Variants in EXT1 observed in about 807,000 individuals in gnomAD.
EXT1 encodes the protein exostosin glycosyltransferase 1.
A neutral mutation model predicts 82.5 loss-of-function variants in EXT1; 20 were observed. The observed-to-expected ratio is 0.24, with a 90% CI of 0.17 to 0.35. The LOEUF (loss-of-function observed/expected upper bound fraction) is 0.35. EXT1 is among the 10% of genes least tolerant of loss of function. The pLI is 1.00. For missense variants in EXT1, 757 were observed against 936.5 expected, an observed-to-expected ratio of 0.81 and a Z score of 2.50; for synonymous variants, 348 against 350.8, an observed-to-expected ratio of 0.99 and a Z score of 0.09.
At chr8:117,867,923 G>A (rs910845584) in intron 1 of EXT1, among the ~76,000 whole-genome samples, 2 of 152,166 alleles carry the variant, frequency 1.3e-5, no homozygotes, top group African/African-American at 2.4e-5. Flanking sequence ...TAATAGAGAA[G>A]CCCTGAGAAA....
intron 3 of EXT1, among the ~76,000 whole-genome samples, chr8:117,835,137 C>G (rs1198959408): frequency 6.6e-6 from 1 of 152,178 alleles, no homozygotes; most frequent in Non-Finnish European, 1.5e-5. Context: ...AGAATAAAAA[C>G]TCTCTGGTAA....
chr8:118,000,113 C>T (rs1815630829), intron 1 of EXT1, among the ~76,000 whole-genome samples: 1 of 152,060 alleles, frequency 6.6e-6, no homozygotes, highest in African/African-American at 2.4e-5. Context: ...CTGTTGCTTG[C>T]GTTTAATCAA....
At chr8:117,866,182 G>A (rs1001729205) in intron 1 of EXT1, among the ~76,000 whole-genome samples, 3 of 152,112 alleles carry the variant, frequency 2.0e-5, no homozygotes, top group Admixed American at 6.6e-5. Context: ...CTGAGATTGC[G>A]GCACTGCACT....
chr8:118,019,535 C>T (rs1215798351), intron 1 of EXT1, among the ~76,000 whole-genome samples: 3 of 152,164 alleles, frequency 2.0e-5, no homozygotes, highest in Non-Finnish European at 4.4e-5. Context: ...CAGATTCTAT[C>T]GCAGAAAAGA....
chr8:118,067,221 T>A (rs1817004577), intron 1 of EXT1, among the ~76,000 whole-genome samples: 1 of 152,258 alleles, frequency 6.6e-6, no homozygotes, highest in African/African-American at 2.4e-5. Context: ...GGGGCACTGG[T>A]GCCATACAAA....
At chr8:117,905,458 G>T (rs2129976675) in intron 1 of EXT1, among the ~76,000 whole-genome samples, 1 of 152,284 alleles carries the variant, frequency 6.6e-6, no homozygotes, top group East Asian at 1.9e-4. Flanking sequence ...GGCGGAGGTT[G>T]CAGTGACCTG....
rs113262622 is a variant in EXT1 at position 117,954,170 on chromosome 8, C to A, written c.963-116969G>T. Among the ~76,000 whole-genome samples, 669 of 152,282 alleles carry A rather than the reference C, an allele frequency of 4.4e-3. 3 individuals carry two copies. The highest frequency in any genetic ancestry group is 0.015 in the African/African-American group (630 of 41,568). Reference sequence around the variant, plus strand: ...TCCCAGGGGCTGTTTGCTTGACCCGCGACTAATGGAAGCCCAGCTCTGACT... The same window carrying A: ...TCCCAGGGGCTGTTTGCTTGACCCGAGACTAATGGAAGCCCAGCTCTGACT... On this transcript the variant is annotated intron_variant, in intron 1 of 10. Coordinates refer to ENST00000378204, the MANE Select transcript of EXT1 (RefSeq NM_000127.3).
intron 1 of EXT1, among the ~76,000 whole-genome samples, chr8:118,010,495 G>A (rs887421228): frequency 1.1e-4 from 16 of 151,852 alleles, no homozygotes; most frequent in African/African-American, 3.9e-4. Flanking sequence ...ACCACTCACT[G>A]GGAAGAATTC....
At chr8:117,858,836 G>GGAAGGAAGGAAGGAAT (rs1812626191) in intron 1 of EXT1, among the ~76,000 whole-genome samples, 1 of 52,846 alleles carries the variant, frequency 1.9e-5, no homozygotes, top group Non-Finnish European at 4.3e-5. Context: ...AAGGAAGGAA[G>GGAAGGAAGGAAGGAAT]GAAGGAAGGA....
At chr8:117,963,333 TCTC>T (rs1030764792) in intron 1 of EXT1, among the ~76,000 whole-genome samples, 16 of 152,220 alleles carry the variant, frequency 1.1e-4, no homozygotes, top group African/African-American at 3.9e-4. Context: ...ATAAGGTGGT[TCTC>T]CTGTCCAGCC....
chr8:118,030,552 G>A (rs1816292388), intron 1 of EXT1, among the ~76,000 whole-genome samples: 1 of 152,146 alleles, frequency 6.6e-6, no homozygotes, highest in African/African-American at 2.4e-5. Context: ...CACAATCTCA[G>A]CTCACTGCAA....
chr8:118,060,907 T>C (rs1816871332), intron 1 of EXT1, among the ~76,000 whole-genome samples: 1 of 152,214 alleles, frequency 6.6e-6, no homozygotes, highest in African/African-American at 2.4e-5. Context: ...AGACACTGCC[T>C]GGTATCACTT....
At chr8:118,005,953 G>A (rs1252775082) in intron 1 of EXT1, among the ~76,000 whole-genome samples, 1 of 152,140 alleles carries the variant, frequency 6.6e-6, no homozygotes, top group Non-Finnish European at 1.5e-5. Context: ...TTATACAATA[G>A]GACAGCTCTA....
intron 1 of EXT1, among the ~76,000 whole-genome samples, chr8:118,058,876 A>G (rs1184388386): frequency 6.6e-6 from 1 of 152,234 alleles, no homozygotes; most frequent in African/African-American, 2.4e-5. Flanking sequence ...TAGAGGATTT[A>G]CATGGACTGG....
chr8:118,026,999 T>G (rs1413041703), intron 1 of EXT1, among the ~76,000 whole-genome samples: 2 of 152,264 alleles, frequency 1.3e-5, no homozygotes, highest in East Asian at 3.9e-4. Context: ...TCAGTTACTT[T>G]GGAGCCTGAG....
chr8:117,825,348 A>G (rs2129757239), intron 4 of EXT1, among the ~76,000 whole-genome samples: 1 of 152,300 alleles, frequency 6.6e-6, no homozygotes. Context: ...AATTCTTCCT[A>G]TCACTACCCT....
chr8:117,890,931 T>C (rs1302682050), intron 1 of EXT1, among the ~76,000 whole-genome samples: 1 of 152,234 alleles, frequency 6.6e-6, no homozygotes, highest in Non-Finnish European at 1.5e-5. Flanking sequence ...TCTCCTCTTT[T>C]ACCCACAGCT....
At chr8:117,867,260 G>GGAAAAAAAAAAAA (rs774425294) in intron 1 of EXT1, among the ~76,000 whole-genome samples, 1 of 98,910 alleles carries the variant, frequency 1.0e-5, no homozygotes, top group Non-Finnish European at 2.0e-5. Flanking sequence ...CTCCACCTCA[G>GGAAAAAAAAAAAA]AAAAAAAAAA....
intron 1 of EXT1, among the ~76,000 whole-genome samples, chr8:118,097,676 T>C (rs549082659): frequency 6.6e-6 from 1 of 152,274 alleles, no homozygotes; most frequent in Admixed American, 6.5e-5. Flanking sequence ...CTCCAGCCAC[T>C]AGGCTATGAG....
Sources: allele counts gnomAD v4.1 joint callset (sites outside exome capture counted in the v4.1 genomes callset), GRCh38; gene constraint gnomAD v4.1.1; transcripts MANE v1.5; gene names NCBI Gene and HGNC (gene_info 2026-07-23, HGNC 2026-07-21).